RIC1: variants seen among roughly 807,000 people sequenced by gnomAD.
RIC1 encodes guanine nucleotide exchange factor subunit RIC1.
In RIC1, 88 loss-of-function variants were observed where a neutral mutation model predicts 169.0. That is an observed-to-expected ratio of 0.52 (90% CI 0.44 to 0.62). The LOEUF (loss-of-function observed/expected upper bound fraction) is 0.62, where lower values mean the gene tolerates loss of function less well. Ranked by LOEUF, RIC1 falls within the 20% of genes least tolerant of loss-of-function variation. The pLI, the probability that RIC1 is intolerant of heterozygous loss-of-function variation, is 0.00. For missense variants in RIC1, 1,877 were observed against 1,725.5 expected (o/e 1.09, Z -1.56); for synonymous variants, 790 against 601.5 (o/e 1.31, Z -4.59).
intron 3 of RIC1, among the ~76,000 whole-genome samples, chr9:5,703,741 A>G (rs1439315849): frequency 1.3e-5 from 2 of 152,186 alleles, no homozygotes; most frequent in African/African-American, 4.8e-5. Flanking sequence ...ATTTTGTTAT[A>G]TGGATTTACC....
At chr9:5,688,281 T>G (rs1289494327) in intron 2 of RIC1, among the ~76,000 whole-genome samples, 2 of 152,212 alleles carry the variant, frequency 1.3e-5, no homozygotes, top group Admixed American at 6.5e-5. Flanking sequence ...GGCTTTGTCT[T>G]AGTGCGCCTT....
intron 3 of RIC1, among the ~76,000 whole-genome samples, chr9:5,709,895 A>G (rs1394336084): frequency 1.3e-5 from 2 of 152,196 alleles, no homozygotes; most frequent in African/African-American, 4.8e-5. Context: ...AAGTTCTTGT[A>G]ATACTTTAGT....
At chr9:5,661,561 G>T (rs568026224) in intron 2 of RIC1, among the ~76,000 whole-genome samples, 2 of 152,058 alleles carry the variant, frequency 1.3e-5, no homozygotes, top group African/African-American at 2.4e-5. Flanking sequence ...TCCCTTGTTA[G>T]CTGTATTGCT....
In RIC1 at chr9:5,774,712, A is replaced by C. The variant is rs1163764881; in HGVS notation, c.*466A>C. On this transcript the variant is annotated 3_prime_UTR_variant, in exon 26 of 26. Coordinates refer to ENST00000414202, the MANE Select transcript of RIC1 (RefSeq NM_020829.4). ...TCCCTTGGATACAGCTGGACTCTTT[A>C]ATCAGTCCTCCTGAATAGATTGCTA... is the stretch of plus-strand genomic sequence containing the variant. 1 of 154,318 alleles carries C rather than the reference A, an allele frequency of 6.5e-6. No homozygotes were observed. The highest frequency in any genetic ancestry group is 1.9e-4 in the East Asian group (1 of 5,240). 9.6% of individuals were successfully genotyped at this position (154,318 alleles called of 1,614,324 possible).
intron 12 of RIC1, among the ~76,000 whole-genome samples, chr9:5,748,911 T>G (rs1459616024): frequency 6.6e-6 from 1 of 152,214 alleles, no homozygotes; most frequent in African/African-American, 2.4e-5. Context: ...CTAAAGATAT[T>G]TAGACAGATG....
chr9:5,753,753 A>C lies in RIC1; in HGVS notation c.1602+107A>C, dbSNP rs1825850289. On this transcript the variant is annotated intron_variant, in intron 14 of 25. Coordinates refer to ENST00000414202, the MANE Select transcript of RIC1 (RefSeq NM_020829.4). ...AAGTAATTTTGGTTACTTATTAAAA[A>C]TAAGGAAAATCAGATATAAAAAAGT... 1.0e-5 allele frequency: 5 copies of C among 494,442 alleles called. No homozygotes were observed. In the South Asian group the frequency reaches 2.5e-4, roughly 24 times the overall value. The allele number at this position is 494,442 out of a possible 1,614,324, so 30.6% of individuals were successfully genotyped here. A position where few individuals can be genotyped will look rare whatever the true frequency, so the allele number is the denominator to read the frequency against.
chr9:5,720,803 CTTTG>C, intron 6 of RIC1, 53 bp downstream of exon 6: 1 of 1,392,736 alleles, frequency 7.2e-7, no homozygotes, highest in East Asian at 2.5e-5. Context: ...TTATTTTATT[CTTTG>C]TTATCAAATT....
intron 1 of RIC1, among the ~76,000 whole-genome samples, chr9:5,640,752 T>C (rs182715740): frequency 1.3e-5 from 2 of 152,322 alleles, no homozygotes; most frequent in East Asian, 3.9e-4. Flanking sequence ...ATTGAACAAC[T>C]CCCTTTAGCA....
intron 3 of RIC1, among the ~76,000 whole-genome samples, chr9:5,698,905 T>C (rs1195145299): frequency 2.6e-5 from 4 of 152,214 alleles, no homozygotes; most frequent in African/African-American, 7.2e-5. Flanking sequence ...TGCGAGGTTT[T>C]AGAGTGAACT....
intron 3 of RIC1, among the ~76,000 whole-genome samples, chr9:5,700,473 G>A (rs898107437): frequency 6.6e-6 from 1 of 151,984 alleles, no homozygotes; most frequent in African/African-American, 2.4e-5. Flanking sequence ...AAACTTTTAA[G>A]TTCCATCTAC....
intron 2 of RIC1, among the ~76,000 whole-genome samples, chr9:5,679,625 G>A (rs1348958995): frequency 6.6e-6 from 1 of 152,100 alleles, no homozygotes; most frequent in Admixed American, 6.5e-5. Flanking sequence ...GTTCACTCAT[G>A]ATTTGGCTCT....
intron 2 of RIC1, among the ~76,000 whole-genome samples, chr9:5,675,631 A>G (rs1003681500): frequency 6.6e-6 from 1 of 152,222 alleles, no homozygotes; most frequent in Non-Finnish European, 1.5e-5. Context: ...AATTAATGTG[A>G]AATTATTTCT....
intron 6 of RIC1, 89 bp downstream of exon 6, chr9:5,720,839 T>G: frequency 1.7e-6 from 2 of 1,194,408 alleles, no homozygotes; most frequent in Non-Finnish European, 2.3e-6. Flanking sequence ...TCATCATTCA[T>G]GTAAGATTTT....
intron 2 of RIC1, among the ~76,000 whole-genome samples, chr9:5,670,195 A>T (rs1046093903): frequency 1.3e-5 from 2 of 152,216 alleles, no homozygotes; most frequent in African/African-American, 4.8e-5. Context: ...CTTGTGGGAA[A>T]AATTGGCTGT....
intron 6 of RIC1, among the ~76,000 whole-genome samples, chr9:5,721,908 G>C (rs1171900032): frequency 1.4e-5 from 2 of 145,110 alleles, no homozygotes; most frequent in South Asian, 4.3e-4. Context: ...TTTTTTTTGA[G>C]ATGGAATTTT....
intron 7 of RIC1, among the ~76,000 whole-genome samples, chr9:5,735,832 A>G (rs1397629882): frequency 1.3e-5 from 2 of 152,218 alleles, no homozygotes; most frequent in African/African-American, 2.4e-5. Context: ...GGGTGATGAT[A>G]TATATTTCCT....
At chr9:5,653,481 T>C (rs531077784) in intron 1 of RIC1, among the ~76,000 whole-genome samples, 2 of 152,376 alleles carry the variant, frequency 1.3e-5, no homozygotes, top group East Asian at 3.8e-4. Flanking sequence ...GGGAATTTGA[T>C]TGAGATTGTA....
At chr9:5,706,250 G>T (rs1178812020) in intron 3 of RIC1, among the ~76,000 whole-genome samples, 1 of 152,122 alleles carries the variant, frequency 6.6e-6, no homozygotes, top group Non-Finnish European at 1.5e-5. Flanking sequence ...ACGAGGTCAG[G>T]AGATCTAGAC....
intron 2 of RIC1, among the ~76,000 whole-genome samples, chr9:5,686,162 G>C (rs36155468): frequency 0.023 from 3,369 of 149,366 alleles, 38 homozygotes; most frequent in Non-Finnish European, 0.027. Flanking sequence ...AATAGGAACA[G>C]TTTTACACTG....
Sources: gnomAD v4.1 joint callset for allele counts (sites outside exome capture counted in the v4.1 genomes callset) on GRCh38, gnomAD v4.1.1 for gene constraint, MANE v1.5 for transcripts, NCBI Gene and HGNC (gene_info 2026-07-23, HGNC 2026-07-21) for gene names.